Variants in ROBO2 observed in about 807,000 individuals in gnomAD.
ROBO2 encodes roundabout guidance receptor 2, also known as roundabout homolog 2.
In ROBO2, 53 loss-of-function variants were observed where a neutral mutation model predicts 160.8. That is an observed-to-expected ratio of 0.33 (90% CI 0.26 to 0.41). The LOEUF (loss-of-function observed/expected upper bound fraction) is 0.41, where lower values mean the gene tolerates loss of function less well. Ranked by LOEUF, ROBO2 falls within the 10% of genes least tolerant of loss-of-function variation. The pLI, the probability that ROBO2 is intolerant of heterozygous loss-of-function variation, is 1.00. For missense variants in ROBO2, 1,577 were observed against 1,722.4 expected, an observed-to-expected ratio of 0.92 and a Z score of 1.49; for synonymous variants, 664 against 611.7, an observed-to-expected ratio of 1.09 and a Z score of -1.26.
chr3:76,969,887 A>G (rs1041765123), intron 2 of ROBO2, among the ~76,000 whole-genome samples: 1 of 152,046 alleles, frequency 6.6e-6, no homozygotes, highest in Non-Finnish European at 1.5e-5. Flanking sequence ...AAAGCAGACA[A>G]GTTTTCTTTG....
chr3:77,131,790 T>C (rs1017460447), intron 2 of ROBO2, among the ~76,000 whole-genome samples: 1 of 152,174 alleles, frequency 6.6e-6, no homozygotes, highest in Non-Finnish European at 1.5e-5. Context: ...TATAATTTAC[T>C]TGTGAGACTA....
rs146853088 is a variant in ROBO2, at chr3:76,694,291, G to A, written c.110-403723G>A. On this transcript the variant is annotated intron_variant, in intron 2 of 26. Transcript: ENST00000487694. The stretch of plus-strand genomic sequence containing the variant: ...TGCTAAAAGTCCTTTCCACAAGAAC[G>A]CCTCTCAGAAAATGATGAGTTATAG... Among the ~76,000 whole-genome samples, 283 of 152,218 alleles carry A rather than the reference G, an allele frequency of 1.9e-3. 1 individual carries two copies. Among genetic ancestry groups the A allele is most frequent in the East Asian group, 0.018 (93 of 5,168 alleles).
chr3:77,514,955 T>A lies in ROBO2; in HGVS notation c.807-7820T>A, dbSNP rs542387460. Among the ~76,000 whole-genome samples, 34 of 151,746 alleles carry A rather than the reference T, an allele frequency of 2.2e-4. 1 individual carries two copies. Among genetic ancestry groups the A allele is most frequent in the African/African-American group, 6.0e-4 (25 of 41,434 alleles). On this transcript the variant is annotated intron_variant, in intron 5 of 25. Transcript: ENST00000461745. ...ACTGGTAGTAGATAGTCACAAGAGT[T>A]TTTTCCCCAACTATAACTGCCTCCA...
chr3:75,990,546 A>AT (rs1032274520), intron 2 of ROBO2, among the ~76,000 whole-genome samples: 2 of 152,234 alleles, frequency 1.3e-5, no homozygotes, highest in African/African-American at 2.4e-5. Flanking sequence ...CAAAATGGTG[A>AT]TTTTTTTCTA....
At chr3:76,928,838 T>A (rs2149039173) in intron 2 of ROBO2, among the ~76,000 whole-genome samples, 1 of 152,344 alleles carries the variant, frequency 6.6e-6, no homozygotes, top group African/African-American at 2.4e-5. Flanking sequence ...TCATCTCATC[T>A]AATGGTTTTA....
chr3:76,119,908 C>CCTT (rs2070657986), intron 2 of ROBO2, among the ~76,000 whole-genome samples: 1 of 88,604 alleles, frequency 1.1e-5, no homozygotes, highest in African/African-American at 5.1e-5. Context: ...TCCCTTCCTT[C>CCTT]CCTCCCTCCC....
intron 2 of ROBO2, among the ~76,000 whole-genome samples, chr3:76,874,444 A>T (rs1188440987): frequency 6.6e-6 from 1 of 152,148 alleles, no homozygotes; most frequent in Non-Finnish European, 1.5e-5. Context: ...TAAACTACAT[A>T]AGAAATTCCA....
chr3:77,281,107 C>T (rs72895170), intron 2 of ROBO2, among the ~76,000 whole-genome samples: 3,498 of 152,228 alleles, frequency 0.023, 130 homozygotes, highest in African/African-American at 0.079. Context: ...TTATGAGCCA[C>T]GCTTACACTT....
chr3:76,272,961 TTTATATATAAAA>T (rs1350101512), intron 2 of ROBO2, among the ~76,000 whole-genome samples: 2 of 9,246 alleles, frequency 2.2e-4, no homozygotes, highest in Admixed American at 1.3e-3. Context: ...ATAATATATA[TTTATATATAAAA>T]TATATATAAT....
chr3:76,598,307 G>GTTTGT (rs1177276371), intron 2 of ROBO2, among the ~76,000 whole-genome samples: 1 of 151,924 alleles, frequency 6.6e-6, no homozygotes, highest in Non-Finnish European at 1.5e-5. Context: ...TTTTTTGTTT[G>GTTTGT]TTTGTTTTGT....
chr3:76,215,090 C>A (rs1233833574), intron 2 of ROBO2, among the ~76,000 whole-genome samples: 1 of 152,206 alleles, frequency 6.6e-6, no homozygotes, highest in African/African-American at 2.4e-5. Flanking sequence ...AACAGACCTG[C>A]AGCTGAGGGT....
chr3:77,354,428 CATGAATTTGCAT>C (rs1405740241), intron 2 of ROBO2, among the ~76,000 whole-genome samples: 1 of 9,066 alleles, frequency 1.1e-4, no homozygotes, highest in East Asian at 3.4e-3. Context: ...TATTTCGCGG[CATGAATTTGCAT>C]CATGAATTTG....
At chr3:77,615,282 A>G (rs1016573556) in intron 21 of ROBO2, among the ~76,000 whole-genome samples, 2 of 152,130 alleles carry the variant, frequency 1.3e-5, no homozygotes, top group South Asian at 2.1e-4. Context: ...AGCCTCCCCA[A>G]CTATCAAGGT....
At chr3:76,224,215 A>G (rs1704146625) in intron 2 of ROBO2, among the ~76,000 whole-genome samples, 1 of 152,206 alleles carries the variant, frequency 6.6e-6, no homozygotes, top group Non-Finnish European at 1.5e-5. Flanking sequence ...GAGTTTTCTG[A>G]ATATTGGATT....
intron 2 of ROBO2, among the ~76,000 whole-genome samples, chr3:76,442,188 T>G (rs2076952985): frequency 6.6e-6 from 1 of 152,184 alleles, no homozygotes; most frequent in African/African-American, 2.4e-5. Context: ...CAGAACTCAA[T>G]TCATTTCTTA....
chr3:76,788,197 T>C (rs1006801960), intron 2 of ROBO2, among the ~76,000 whole-genome samples: 1 of 151,314 alleles, frequency 6.6e-6, no homozygotes, highest in African/African-American at 2.4e-5. Context: ...CAAATAATAA[T>C]ATAATAATAA....
At chr3:77,544,190 T>C (rs1432349135) in intron 6 of ROBO2, among the ~76,000 whole-genome samples, 2 of 152,014 alleles carry the variant, frequency 1.3e-5, no homozygotes, top group Non-Finnish European at 2.9e-5. Context: ...TTTTAAGAGT[T>C]TTCTCTAAAA....
At chr3:76,449,077 G>A (rs2077341481) in intron 2 of ROBO2, among the ~76,000 whole-genome samples, 1 of 152,016 alleles carries the variant, frequency 6.6e-6, no homozygotes, top group Admixed American at 6.6e-5. Flanking sequence ...TAATAAAGAG[G>A]AATATCTTGA....
intron 2 of ROBO2, among the ~76,000 whole-genome samples, chr3:76,061,263 T>G (rs1446505758): frequency 6.6e-6 from 1 of 152,214 alleles, no homozygotes; most frequent in Non-Finnish European, 1.5e-5. Context: ...GCATGCTTCC[T>G]TTGAACACCT....
Sources: gnomAD v4.1 joint callset for allele counts (sites outside exome capture counted in the v4.1 genomes callset) on GRCh38, gnomAD v4.1.1 for gene constraint, MANE v1.5 for transcripts, NCBI Gene and HGNC (gene_info 2026-07-23, HGNC 2026-07-21) for gene names.